RAI14: variants seen among roughly 807,000 people sequenced by gnomAD.
RAI14 encodes the protein retinoic acid induced 14.
RAI14 carries 45 observed loss-of-function variants against 115.4 expected under a neutral mutation model. That is an observed-to-expected ratio of 0.39 (90% CI 0.31 to 0.50). RAI14 has a LOEUF of 0.50. Among genes scored for constraint, RAI14 ranks in the 20% least tolerant of loss-of-function variants. The pLI is 0.85. For synonymous variants in RAI14, 371 were observed against 415.4 expected (o/e 0.89, Z 1.30); for missense variants, 939 against 1,131.2 (o/e 0.83, Z 2.44).
At chr5:34,826,050 A>G (rs551804768) in intron 15 of RAI14, 1 of 213,446 alleles carries the variant, frequency 4.7e-6, no homozygotes, top group East Asian at 1.1e-4. Context: ...GTAGGAAACC[A>G]ACATCACAGC....
At chr5:34,816,773 A>G (rs1264602308) in intron 12 of RAI14, among the ~76,000 whole-genome samples, 2 of 152,140 alleles carry the variant, frequency 1.3e-5, no homozygotes, top group African/African-American at 4.8e-5. Context: ...TCTATGTAAG[A>G]CAAGGCAACT....
intron 2 of RAI14, among the ~76,000 whole-genome samples, chr5:34,745,013 T>A (rs1192508812): frequency 6.6e-6 from 1 of 152,160 alleles, no homozygotes; most frequent in Non-Finnish European, 1.5e-5. Flanking sequence ...TTTGAGTCTC[T>A]CTCTCCTTAC....
chr5:34,698,875 G>T lies in RAI14; in HGVS notation c.36+11920G>T, dbSNP rs182335990. Among the ~76,000 whole-genome samples, 543 of 152,294 alleles carry T rather than the reference G, an allele frequency of 3.6e-3. 3 individuals carry two copies. Among genetic ancestry groups the T allele is most frequent in the Non-Finnish European group, 6.5e-3 (439 of 68,020 alleles). On this transcript the variant is annotated intron_variant, in intron 2 of 17. Transcript: ENST00000265109. Reference sequence around the variant, plus strand: ...GACTAGGGCCAGGGCTAGGCTGGTGGCTGCTGTGGGGCAAGAACGACGGGA... The same window carrying T: ...GACTAGGGCCAGGGCTAGGCTGGTGTCTGCTGTGGGGCAAGAACGACGGGA...
intron 1 of RAI14, among the ~76,000 whole-genome samples, chr5:34,665,501 T>C (rs1031687072): frequency 1.9e-4 from 29 of 150,770 alleles, no homozygotes; most frequent in Non-Finnish European, 3.4e-4. Context: ...TTCTTTTTTT[T>C]TTTTTTTCTC....
At chr5:34,789,771 T>A (rs147713566) in intron 3 of RAI14, among the ~76,000 whole-genome samples, 231 of 152,330 alleles carry the variant, frequency 1.5e-3, no homozygotes, top group African/African-American at 5.3e-3. Context: ...ATTTCACGCT[T>A]CACCCTTTAT....
At chr5:34,683,444 A>G (rs905518377) in intron 1 of RAI14, among the ~76,000 whole-genome samples, 1 of 151,982 alleles carries the variant, frequency 6.6e-6, no homozygotes, top group Non-Finnish European at 1.5e-5. Context: ...AAAAAAAAAA[A>G]AGAAAAGCCA....
chr5:34,750,475 T>C (rs1746831783), intron 2 of RAI14, among the ~76,000 whole-genome samples: 1 of 152,164 alleles, frequency 6.6e-6, no homozygotes. Flanking sequence ...ACTCTGCCTT[T>C]TTTTTTAAGC....
intron 3 of RAI14, among the ~76,000 whole-genome samples, chr5:34,765,211 T>G (rs923352747): frequency 6.6e-6 from 1 of 152,202 alleles, no homozygotes; most frequent in Non-Finnish European, 1.5e-5. Context: ...AGTAAATTGG[T>G]ACCAGTAGAG....
At chr5:34,694,355 A>T (rs566900834) in intron 2 of RAI14, among the ~76,000 whole-genome samples, 2 of 152,312 alleles carry the variant, frequency 1.3e-5, no homozygotes, top group South Asian at 4.1e-4. Context: ...GTTTCTACTT[A>T]AAGATCTTTG....
intron 2 of RAI14, among the ~76,000 whole-genome samples, chr5:34,689,193 A>G (rs1351018441): frequency 6.6e-6 from 1 of 151,884 alleles, no homozygotes; most frequent in East Asian, 2.0e-4. Context: ...CCTTGAGTCC[A>G]GGAGTTCAAG....
chr5:34,813,729 T>C (rs1037165027), intron 11 of RAI14, 69 bp downstream of exon 11: 12 of 1,340,664 alleles, frequency 9.0e-6, no homozygotes, highest in African/African-American at 1.5e-5. Context: ...TCATTTTGTT[T>C]AGGCCAAAAA....
At chr5:34,708,247 G>A (rs1480696142) in intron 2 of RAI14, among the ~76,000 whole-genome samples, 1 of 148,916 alleles carries the variant, frequency 6.7e-6, no homozygotes, top group Non-Finnish European at 1.5e-5. Context: ...TTGTTGCCCA[G>A]GCTGGGGTGC....
Position 34,814,621 on chromosome 5 carries a change from T to C in RAI14, c.891T>C (p.Thr297=), listed in dbSNP as rs1561073763. The C allele has an allele frequency of 2.5e-6, 4 of 1,613,706 alleles. No individual in the cohort carries two copies. The highest frequency in any genetic ancestry group is 1.7e-5 in the Admixed American group (1 of 60,026). The stretch of plus-strand genomic sequence containing the variant: ...CTTCCCCAAGATCAATAACTTCGAC[T>C]CCACTATCGGGAAAGGAATCGGTAT... ...DVSSPRSITS[T]PLSGKESVFF... The change falls in exon 12 of 18, where the codon ACT becomes ACC. Residue 297 remains threonine, a synonymous_variant. Transcript: ENST00000265109.
chr5:34,800,600 T>C (rs903476429), intron 4 of RAI14, among the ~76,000 whole-genome samples: 3 of 152,224 alleles, frequency 2.0e-5, no homozygotes, highest in African/African-American at 7.2e-5. Context: ...TGATGCGTCA[T>C]TCGGATTTTG....
At chr5:34,731,510 C>T (rs1744171960) in intron 2 of RAI14, among the ~76,000 whole-genome samples, 1 of 152,148 alleles carries the variant, frequency 6.6e-6, no homozygotes, top group Admixed American at 6.5e-5. Flanking sequence ...GGCCTTGGGA[C>T]TTTTGACCTG....
chr5:34,757,735 A>G, intron 3 of RAI14, 137 bp downstream of exon 3: 1 of 1,156,016 alleles, frequency 8.7e-7, no homozygotes, highest in African/African-American at 1.5e-5. Context: ...AAGATATTTT[A>G]ATCTAGTGCC....
intron 2 of RAI14, among the ~76,000 whole-genome samples, chr5:34,744,654 T>C (rs1381335504): frequency 1.3e-5 from 2 of 152,210 alleles, no homozygotes; most frequent in Non-Finnish European, 1.5e-5. Flanking sequence ...ACTTTGTAAC[T>C]TTAGGCAAGA....
chr5:34,830,799 A>T lies in RAI14; in HGVS notation c.*34A>T. On this transcript the variant is annotated 3_prime_UTR_variant, in exon 18 of 18. Coordinates refer to ENST00000265109, the MANE Select transcript of RAI14 (RefSeq NM_015577.3). Reference sequence around the variant, plus strand: ...CCTTGGCAGGACACTGCCCCTTGTCATCTGTCTTTGTGTTAGATCCAGAGT... The same window carrying T: ...CCTTGGCAGGACACTGCCCCTTGTCTTCTGTCTTTGTGTTAGATCCAGAGT... 2 of 1,613,036 alleles carry T rather than the reference A, an allele frequency of 1.2e-6. No homozygotes were observed. Among genetic ancestry groups the T allele is most frequent in the South Asian group, 1.1e-5 (1 of 90,918 alleles).
Position 34,799,685 on chromosome 5 carries a change from A to ATTTTT in RAI14, c.256+3676_256+3680dup, listed in dbSNP as rs57115550. Among the ~76,000 whole-genome samples the ATTTTT allele has an allele frequency of 5.4e-4, 56 of 103,414 alleles. 4 individuals carry two copies. Among genetic ancestry groups the ATTTTT allele is most frequent in the African/African-American group, 1.5e-3 (38 of 25,346 alleles). The allele number at this position is 103,414 out of a possible 152,430, so 67.8% of individuals were successfully genotyped here. On this transcript the variant is annotated intron_variant, in intron 4 of 17. Coordinates refer to ENST00000265109, the MANE Select transcript of RAI14 (RefSeq NM_015577.3). The stretch of plus-strand genomic sequence containing the variant: ...GTTATAGAAGCAAGAATCTGTTAGC[A>ATTTTT]TTTTTTTTTTTTTTTTTTTTTTGAC...
Sources: gnomAD v4.1 joint callset for allele counts (sites outside exome capture counted in the v4.1 genomes callset) on GRCh38, gnomAD v4.1.1 for gene constraint, MANE v1.5 for transcripts, NCBI Gene and HGNC (gene_info 2026-07-23, HGNC 2026-07-21) for gene names.